PCDH15: variants seen among roughly 807,000 people sequenced by gnomAD.
The protein encoded by PCDH15 is protocadherin-15.
PCDH15 carries 129 observed loss-of-function variants against 178.5 expected under a neutral mutation model. The ratio of observed to expected loss-of-function variants is 0.72; its 90% CI spans 0.63 to 0.84. The LOEUF (loss-of-function observed/expected upper bound fraction) is 0.84, where lower values mean the gene tolerates loss of function less well. Ranked by LOEUF, PCDH15 falls within the 40% of genes least tolerant of loss-of-function variation. PCDH15 has a pLI of 0.00. For synonymous variants in PCDH15, 800 were observed against 732.0 expected (o/e 1.09, Z -1.50); for missense variants, 2,230 against 2,099.9 (o/e 1.06, Z -1.21).
chr10:54,754,108 G>A (rs1161536204), intron 1 of PCDH15, among the ~76,000 whole-genome samples: 2 of 151,890 alleles, frequency 1.3e-5, no homozygotes, highest in African/African-American at 2.4e-5. Flanking sequence ...GATTACAGGC[G>A]TGAGCCACCG....
At chr10:54,694,019 C>T (rs904963856) in intron 1 of PCDH15, among the ~76,000 whole-genome samples, 1 of 152,080 alleles carries the variant, frequency 6.6e-6, no homozygotes, top group Non-Finnish European at 1.5e-5. Flanking sequence ...AACTTAAACT[C>T]TCTTGTTTGA....
intron 14 of PCDH15, among the ~76,000 whole-genome samples, chr10:54,136,619 T>A (rs2042927656): frequency 2.0e-5 from 3 of 152,168 alleles, no homozygotes; most frequent in Admixed American, 2.0e-4. Flanking sequence ...TCCCTTTCAT[T>A]ATCTTCCCAT....
chr10:54,710,924 C>T (rs75594018), intron 1 of PCDH15, among the ~76,000 whole-genome samples: 2,615 of 151,866 alleles, frequency 0.017, 76 homozygotes, highest in African/African-American at 0.058. Context: ...AGGGTGAGAG[C>T]GGTATTGTTA....
At chr10:55,018,231 T>C (rs1263664443) in intron 2 of PCDH15, among the ~76,000 whole-genome samples, 2 of 152,044 alleles carry the variant, frequency 1.3e-5, no homozygotes, top group East Asian at 1.9e-4. Flanking sequence ...AGTTGATCTA[T>C]GATGAACATT....
chr10:54,784,932 C>A (rs982938822), intron 1 of PCDH15, among the ~76,000 whole-genome samples: 1 of 151,928 alleles, frequency 6.6e-6, no homozygotes, highest in Non-Finnish European at 1.5e-5. Flanking sequence ...CAACCCCCAT[C>A]GCATACTGAA....
At chr10:54,119,984 C>T (rs2095187143) in intron 15 of PCDH15, among the ~76,000 whole-genome samples, 1 of 152,142 alleles carries the variant, frequency 6.6e-6, no homozygotes, top group Admixed American at 6.6e-5. Context: ...CATGTGTTAT[C>T]ATTGTTCAAC....
intron 2 of PCDH15, among the ~76,000 whole-genome samples, chr10:54,648,259 A>C (rs954034795): frequency 6.6e-6 from 1 of 152,098 alleles, no homozygotes; most frequent in Non-Finnish European, 1.5e-5. Flanking sequence ...CATCACTGAC[A>C]ACTTGTGGAA....
chr10:55,130,518 C>T (rs1838011231), intron 2 of PCDH15, among the ~76,000 whole-genome samples: 1 of 152,108 alleles, frequency 6.6e-6, no homozygotes, highest in African/African-American at 2.4e-5. Context: ...GGGGTCAAAG[C>T]TCAGCTTTGT....
At chr10:55,324,990 A>G (rs1485649750) in intron 2 of PCDH15, among the ~76,000 whole-genome samples, 1 of 152,152 alleles carries the variant, frequency 6.6e-6, no homozygotes, top group East Asian at 1.9e-4. Context: ...AGAAGAATGA[A>G]ATACATAGGA....
chr10:54,932,789 G>A (rs763840922), intron 2 of PCDH15, among the ~76,000 whole-genome samples: 18 of 152,040 alleles, frequency 1.2e-4, no homozygotes, highest in South Asian at 2.1e-4. Context: ...CACCCGCCTC[G>A]GCCTCCTAAA....
At chr10:54,999,390 G>T (rs1839737580) in intron 2 of PCDH15, among the ~76,000 whole-genome samples, 2 of 152,100 alleles carry the variant, frequency 1.3e-5, no homozygotes, top group East Asian at 1.9e-4. Flanking sequence ...ATGTTTAAAT[G>T]GTATTTATGT....
At chr10:54,125,222 T>C (rs2041892260) in intron 15 of PCDH15, among the ~76,000 whole-genome samples, 1 of 152,122 alleles carries the variant, frequency 6.6e-6, no homozygotes, top group South Asian at 2.1e-4. Flanking sequence ...TCATTTTCTA[T>C]TTTCTCCTGC....
intron 11 of PCDH15, among the ~76,000 whole-genome samples, chr10:54,188,415 T>A (rs2048669575): frequency 6.6e-6 from 1 of 151,892 alleles, no homozygotes; most frequent in Admixed American, 6.6e-5. Context: ...GTTGTGTCTA[T>A]AAGTTTATTT....
At chr10:54,344,477 C>T (rs1206299484) in intron 6 of PCDH15, among the ~76,000 whole-genome samples, 1 of 152,012 alleles carries the variant, frequency 6.6e-6, no homozygotes, top group Non-Finnish European at 1.5e-5. Context: ...TATATTTTTG[C>T]TCTCAAACTA....
chr10:54,198,495 C>CTTTTTTT (rs1186240206), intron 10 of PCDH15, among the ~76,000 whole-genome samples: 11,673 of 31,012 alleles, frequency 0.38, 5,063 homozygotes, highest in Non-Finnish European at 0.42. Context: ...TCTAATTATT[C>CTTTTTTT]TTTTTTTTTT....
chr10:54,313,529 C>G (rs1269921339), intron 8 of PCDH15, among the ~76,000 whole-genome samples: 1 of 152,026 alleles, frequency 6.6e-6, no homozygotes, highest in Admixed American at 6.6e-5. Flanking sequence ...TCCAACTTAA[C>G]CCAGGCTGCC....
intron 29 of PCDH15, among the ~76,000 whole-genome samples, chr10:53,840,110 A>T (rs900066396): frequency 2.6e-5 from 4 of 152,132 alleles, no homozygotes; most frequent in Non-Finnish European, 5.9e-5. Flanking sequence ...CCATAAAGAA[A>T]ATGGGCCCTC....
chr10:55,189,673 A>C lies in PCDH15; in HGVS notation c.-155-23022T>G, dbSNP rs116910915. ...ACTTACTCCTATTAGCTCTCTTTAT[A>C]TCTCAGAGCATGAGTTTCTTTTTCT... On this transcript the variant is annotated intron_variant, in intron 1 of 5. Coordinates refer to the PCDH15 transcript ENST00000458638. 1.2e-3 allele frequency among the ~76,000 whole-genome samples: 181 copies of C among 151,972 alleles called. No homozygotes were observed. In the East Asian group the frequency reaches 0.033, roughly 28 times the overall value.
At chr10:55,022,712 T>C (rs11004678) in intron 2 of PCDH15, among the ~76,000 whole-genome samples, 1 of 27,408 alleles carries the variant, frequency 3.6e-5, no homozygotes, top group Non-Finnish European at 8.9e-5. Flanking sequence ...TTTCTTTTTC[T>C]TTTTTTTTTT....
Sources: gnomAD v4.1 joint callset for allele counts (sites outside exome capture counted in the v4.1 genomes callset) on GRCh38, gnomAD v4.1.1 for gene constraint, MANE v1.5 for transcripts, NCBI Gene and HGNC (gene_info 2026-07-23, HGNC 2026-07-21) for gene names.